The following ZBTB14 variants were observed in gnomAD, a reference collection of about 807,000 sequenced individuals.
ZBTB14 encodes zinc finger and BTB domain containing 14.
A neutral mutation model predicts 29.5 loss-of-function variants in ZBTB14; 8 were observed. The observed-to-expected ratio is 0.27, with a 90% CI of 0.16 to 0.49. ZBTB14 has a LOEUF of 0.49. Ranked by LOEUF, ZBTB14 falls within the 20% of genes least tolerant of loss-of-function variation. The pLI is 0.99. For missense variants in ZBTB14, 333 were observed against 563.8 expected, an observed-to-expected ratio of 0.59 and a Z score of 4.15; for synonymous variants, 226 against 207.2, an observed-to-expected ratio of 1.09 and a Z score of -0.78.
At position 5,292,209 on chromosome 18, in the gene ZBTB14, A is replaced by C. The variant is rs753567016; in HGVS notation, c.4-5T>G. The C allele has an allele frequency of 1.6e-4, 25 of 160,260 alleles. 1 individual carries two copies. The highest frequency in any genetic ancestry group is 3.3e-4 in the South Asian group (2 of 6,020). 9.9% of individuals were successfully genotyped at this position (160,260 alleles called of 1,614,324 possible). On this transcript the variant is annotated splice_polypyrimidine_tract_variant and splice_region_variant and intron_variant, in intron 3 of 3. Transcript: ENST00000651870. ...AGACATACTGATGAAAAACTCCTAC[A>C]AAAAAAAAAAAAGTTTAGTAATTAT...
intron 1 of ZBTB14, 107 bp downstream of exon 1, chr18:5,295,545 G>A (rs1317178306): frequency 1.4e-5 from 2 of 144,600 alleles, no homozygotes; most frequent in South Asian, 4.2e-4. Context: ...GCGCGCGCGG[G>A]GCCGCCGCCG....
In ZBTB14 at chr18:5,291,514, C is replaced by T; in HGVS notation, c.694G>A (p.Gly232Arg). The T allele has an allele frequency of 6.2e-7, 1 of 1,614,136 alleles. No individual in the cohort carries two copies. The highest frequency in any genetic ancestry group is 1.3e-5 in the African/African-American group (1 of 75,028). Reference protein sequence around the residue: ...SMETPESKDLGSQTPQALTFN... With the variant: ...SMETPESKDLRSQTPQALTFN... ...GTTAAGGCTTGAGGGGTCTGGGACC[C>T]CAAGTCTTTTGATTCTGGGGTCTCC... The change falls in exon 4 of 4, where the codon GGG (glycine) becomes AGG (arginine). Residue 232 changes from glycine (G) to arginine (R), a missense_variant. This residue lies in a region of ZBTB14 where 126 missense variants were observed against 132.2 expected (regional missense o/e 0.95). Transcript: ENST00000651870. The surrounding 1 kb of genome is among the most constrained non-coding windows in gnomAD (Gnocchi z 5.8).
Position 5,291,798 on chromosome 18 carries a change from T to C in ZBTB14, c.410A>G (p.Asn137Ser). The change falls in exon 4 of 4, where the codon AAT (asparagine) becomes AGT (serine). Residue 137 changes from asparagine to serine, a missense_variant. By Grantham distance (46) the Asn-to-Ser change is conservative. This residue lies in a region of ZBTB14 where 126 missense variants were observed against 132.2 expected (regional missense o/e 0.95). Coordinates refer to ENST00000651870, the MANE Select transcript of ZBTB14 (RefSeq NM_001243702.2). This position sits in a 1 kb window ranked among gnomAD's most constrained non-coding sequence, Gnocchi z 5.8. ...KRDVSSPDEN[N>S]GQSKSKYCLK... ...GCAATACTTACTTTTGGACTGACCA[T>C]TGTTTTCATCGGGACTGGACACATC... is the stretch of plus-strand genomic sequence containing the variant. 2.5e-6 allele frequency: 4 copies of C among 1,613,904 alleles called. No individual in the cohort carries two copies. Among genetic ancestry groups the C allele is most frequent in the South Asian group, 2.2e-5 (2 of 91,026 alleles).
Position 5,293,230 on chromosome 18 carries a change from AAAGTTAT to A in ZBTB14, c.3+7_3+13del. 1 of 1,612,492 alleles carries A rather than the reference AAAGTTAT, an allele frequency of 6.2e-7. No homozygotes were observed. Among genetic ancestry groups the A allele is most frequent in the Non-Finnish European group, 8.5e-7 (1 of 1,179,486 alleles). ...TCATTTTCATCAAGATTTAATATCC[AAAGTTAT>A]AGTTACCATGAACAACTCAGGCTAT... On this transcript the variant is annotated splice_region_variant and intron_variant, in intron 3 of 3. Transcript: ENST00000651870.
chr18:5,293,531 G>A (rs1197612013), intron 2 of ZBTB14: 1 of 327,334 alleles, frequency 3.1e-6, no homozygotes, highest in African/African-American at 2.1e-5. Flanking sequence ...TGTAGCACTC[G>A]GGCATAAAGG....
At position 5,293,263 on chromosome 18, in the gene ZBTB14, T is replaced by A. The variant is rs2071859291; in HGVS notation, c.-17A>T. 1 of 1,613,248 alleles carries A rather than the reference T, an allele frequency of 6.2e-7. No homozygotes were observed. The highest frequency in any genetic ancestry group is 1.3e-5 in the African/African-American group (1 of 74,990). ...AGTTACCATGAACAACTCAGGCTATTATCTTAATGCCTTGAACGCCAAAAT... is the reference window on the plus strand; with the variant it reads ...AGTTACCATGAACAACTCAGGCTATAATCTTAATGCCTTGAACGCCAAAAT... On this transcript the variant is annotated 5_prime_UTR_variant, in exon 3 of 4. It removes the in-frame stop codon of an upstream open reading frame in the 5' UTR. Transcript: ENST00000651870.
chr18:5,293,095 C>T (rs1266133202), intron 3 of ZBTB14, 149 bp downstream of exon 3: 5 of 926,618 alleles, frequency 5.4e-6, no homozygotes, highest in Non-Finnish European at 7.8e-6. Context: ...TCTATGTTTC[C>T]TTTTTAAAAA....
rs568668274 is a variant in ZBTB14, at chr18:5,290,846, G to C, written c.*12C>G. 1 of 1,608,650 alleles carries C rather than the reference G, an allele frequency of 6.2e-7. No individual in the cohort carries two copies. The highest frequency in any genetic ancestry group is 1.7e-5 in the Admixed American group (1 of 59,536). On this transcript the variant is annotated 3_prime_UTR_variant, in exon 4 of 4. Coordinates refer to ENST00000651870, the MANE Select transcript of ZBTB14 (RefSeq NM_001243702.2). Reference sequence around the variant, plus strand: ...TCCACTTTCCAGGCAAAGTGTCCCTGTCCCACCGCCTCTAGCTACAGGCTA... The same window carrying C: ...TCCACTTTCCAGGCAAAGTGTCCCTCTCCCACCGCCTCTAGCTACAGGCTA...
chr18:5,293,513 A>G (rs2071866872), intron 2 of ZBTB14, 186 bp from the exon 3 acceptor site: 2 of 407,352 alleles, frequency 4.9e-6, no homozygotes, highest in Non-Finnish European at 9.0e-6. Flanking sequence ...ACTAGAACAG[A>G]TAAGGGCTGT....
At chr18:5,295,885 AGGGGCTC>A (rs2071950639), upstream of ZBTB14, 1 of 139,340 alleles carries the variant, frequency 7.2e-6, no homozygotes, top group African/African-American at 2.7e-5. Flanking sequence ...CCGGGACCGG[AGGGGCTC>A]GGGGCGCGGG....
rs530770144 is a variant in ZBTB14, at chr18:5,289,575, G to A, written c.*1283C>T. On this transcript the variant is annotated 3_prime_UTR_variant, in exon 4 of 4. Coordinates refer to ENST00000651870, the MANE Select transcript of ZBTB14 (RefSeq NM_001243702.2). Reference sequence around the variant, plus strand: ...AAAGAACATTTAGTATACCAAAACTGGAATAGAGTTTATAATTCTCATTTA... The same window carrying A: ...AAAGAACATTTAGTATACCAAAACTAGAATAGAGTTTATAATTCTCATTTA... The A allele has an allele frequency of 6.6e-6, 1 of 152,188 alleles. No individual in the cohort carries two copies. Among genetic ancestry groups the A allele is most frequent in the African/African-American group, 2.4e-5 (1 of 41,530 alleles). The allele number at this position is 152,188 out of a possible 1,614,324, so 9.4% of individuals were successfully genotyped here.
intron 1 of ZBTB14, among the ~76,000 whole-genome samples, chr18:5,294,350 A>G (rs777290935): frequency 2.6e-5 from 4 of 152,194 alleles, no homozygotes; most frequent in Non-Finnish European, 5.9e-5. Flanking sequence ...AAAACCTTAC[A>G]CTGTGACACT....
At chr18:5,294,565 G>C (rs941836098) in intron 1 of ZBTB14, among the ~76,000 whole-genome samples, 1 of 152,072 alleles carries the variant, frequency 6.6e-6, no homozygotes, top group African/African-American at 2.4e-5. Flanking sequence ...GTCCAAAGCC[G>C]CCTCCTCCCC....
At position 5,290,540 on chromosome 18, in the gene ZBTB14, A is replaced by G; in HGVS notation, c.*318T>C. Reference sequence around the variant, plus strand: ...CTAGGGTGGTGAGTGTAAAGGAACTAAAAATGGAAGTCTCTCACTTCTAAA... The same window carrying G: ...CTAGGGTGGTGAGTGTAAAGGAACTGAAAATGGAAGTCTCTCACTTCTAAA... On this transcript the variant is annotated 3_prime_UTR_variant, in exon 4 of 4. Transcript: ENST00000651870. 3.5e-6 allele frequency: 1 copy of G among 288,460 alleles called. No homozygotes were observed. The highest frequency in any genetic ancestry group is 6.5e-6 in the Non-Finnish European group (1 of 154,146). The allele number at this position is 288,460 out of a possible 1,614,324, so 17.9% of individuals were successfully genotyped here.
chr18:5,293,352 A>ATAT (rs2042221678), intron 2 of ZBTB14, 25 bp from the exon 3 acceptor site: 3 of 1,161,364 alleles, frequency 2.6e-6, no homozygotes, highest in Non-Finnish European at 3.7e-6. Context: ...ATAAACAAGA[A>ATAT]TGAGGTAGGA....
At position 5,291,463 on chromosome 18, in the gene ZBTB14, T is replaced by A. The variant is rs2071812026; in HGVS notation, c.745A>T (p.Lys249Ter). 1 of 1,614,092 alleles carries A rather than the reference T, an allele frequency of 6.2e-7. No individual in the cohort carries two copies. Among genetic ancestry groups the A allele is most frequent in the Non-Finnish European group, 8.5e-7 (1 of 1,180,050 alleles). ...LTFNDGMSEVKDEQTPGWTTA... is the reference protein window; with the variant it reads ...LTFNDGMSEV ...GTCCAGCCTGGTGTCTGTTCATCTTTCACTTCACTCATCCCATCATTAAAT... is the reference window on the plus strand; with the variant it reads ...GTCCAGCCTGGTGTCTGTTCATCTTACACTTCACTCATCCCATCATTAAAT... The change falls in exon 4 of 4, where the codon AAA (lysine) becomes TAA (stop). Residue 249 changes from lysine (K) to a stop codon, truncating the protein, a stop_gained. Transcript: ENST00000651870. LOFTEE classifies it high-confidence loss of function. The surrounding 1 kb of genome is among the most constrained non-coding windows in gnomAD (Gnocchi z 5.8).
chr18:5,296,667 G>A (rs1011576797), upstream of ZBTB14, among the ~76,000 whole-genome samples: 5 of 152,062 alleles, frequency 3.3e-5, no homozygotes, highest in Non-Finnish European at 7.4e-5. Flanking sequence ...AACACTTGCA[G>A]AACAAATGGA....
At chr18:5,296,237 A>ACG (rs2071962396), upstream of ZBTB14, 1 of 150,066 alleles carries the variant, frequency 6.7e-6, no homozygotes, top group Non-Finnish European at 1.5e-5. Context: ...ACGCGCGCGC[A>ACG]CGCGCGCGGC....
At position 5,291,752 on chromosome 18, in the gene ZBTB14, A is replaced by G. The variant is rs1401059386; in HGVS notation, c.456T>C (p.Ile152=). 4 of 1,613,882 alleles carry G rather than the reference A, an allele frequency of 2.5e-6. No homozygotes were observed. The highest frequency in any genetic ancestry group is 3.4e-6 in the Non-Finnish European group (4 of 1,179,984). ...SKYCLKINRP[I]GDAADTQDDD... ...CATCCTGGGTGTCAGCAGCATCTCCAATGGGGCGATTTATTTTAAGGCAAT... is the reference window on the plus strand; with the variant it reads ...CATCCTGGGTGTCAGCAGCATCTCCGATGGGGCGATTTATTTTAAGGCAAT... Residue 152 remains isoleucine, a synonymous_variant, in exon 4 of 4, where the codon ATT becomes ATC. Transcript: ENST00000651870. This position sits in a 1 kb window ranked among gnomAD's most constrained non-coding sequence, Gnocchi z 5.8.
Sources: allele counts gnomAD v4.1 joint callset (sites outside exome capture counted in the v4.1 genomes callset), GRCh38; gene constraint gnomAD v4.1.1; regional missense constraint gnomAD v4.1.1; non-coding constraint Gnocchi (gnomAD v3.1); transcripts MANE v1.5; gene names NCBI Gene and HGNC (gene_info 2026-07-23, HGNC 2026-07-21).